PLPPR1: variants seen among roughly 807,000 people sequenced by gnomAD.
PLPPR1 encodes the protein phospholipid phosphatase related 1.
PLPPR1 carries 10 observed loss-of-function variants against 33.1 expected under a neutral mutation model. That is an observed-to-expected ratio of 0.30 (90% CI 0.19 to 0.51). PLPPR1 has a LOEUF of 0.51. Among genes scored for constraint, PLPPR1 ranks in the 20% least tolerant of loss-of-function variants. PLPPR1 has a pLI of 0.97. For synonymous variants in PLPPR1, 151 were observed against 151.0 expected, an observed-to-expected ratio of 1.00 and a Z score of 0.00; for missense variants, 304 against 408.1, an observed-to-expected ratio of 0.74 and a Z score of 2.20.
intron 1 of PLPPR1, among the ~76,000 whole-genome samples, chr9:101,119,668 A>T (rs891954594): frequency 2.0e-5 from 3 of 152,222 alleles, no homozygotes; most frequent in Non-Finnish European, 4.4e-5. Flanking sequence ...GACCAGCCTA[A>T]CACCATAACA....
intron 4 of PLPPR1, among the ~76,000 whole-genome samples, chr9:101,305,318 C>G (rs1239624888): frequency 2.6e-5 from 4 of 152,136 alleles, no homozygotes; most frequent in African/African-American, 9.7e-5. Context: ...ACCCCTCTCA[C>G]TCATCCTCCC....
At chr9:101,120,937 C>T (rs1473188977) in intron 1 of PLPPR1, among the ~76,000 whole-genome samples, 1 of 152,192 alleles carries the variant, frequency 6.6e-6, no homozygotes, top group East Asian at 1.9e-4. Context: ...AAGGACTCAA[C>T]TTAAATAGCA....
At chr9:101,312,761 G>A (rs778286313) in intron 5 of PLPPR1, 37 bp from the exon 6 acceptor site, 10 of 1,592,930 alleles carry the variant, frequency 6.3e-6, no homozygotes, top group Non-Finnish European at 5.2e-6. Flanking sequence ...GCACAAGGCA[G>A]CTGCCTGGTC....
chr9:101,296,400 A>T (rs1307511440), intron 4 of PLPPR1, among the ~76,000 whole-genome samples: 7 of 151,500 alleles, frequency 4.6e-5, no homozygotes, highest in Admixed American at 4.6e-4. Context: ...GCAATTCCTC[A>T]GGGATCTAGT....
At chr9:101,149,438 C>T (rs932363202) in intron 1 of PLPPR1, among the ~76,000 whole-genome samples, 5 of 152,138 alleles carry the variant, frequency 3.3e-5, no homozygotes, top group Non-Finnish European at 4.4e-5. Flanking sequence ...TTATGGTTAT[C>T]GGGGGTACCC....
At chr9:101,037,037 A>G (rs1010377047) in intron 1 of PLPPR1, among the ~76,000 whole-genome samples, 17 of 152,088 alleles carry the variant, frequency 1.1e-4, no homozygotes, top group African/African-American at 1.9e-4. Flanking sequence ...AGATCACCCC[A>G]TAACCTTCTT....
At chr9:101,293,131 A>T (rs938794704) in intron 4 of PLPPR1, among the ~76,000 whole-genome samples, 8 of 151,542 alleles carry the variant, frequency 5.3e-5, no homozygotes, top group African/African-American at 1.9e-4. Context: ...ATGGAAAACA[A>T]AAAAAGGCAG....
chr9:101,263,643 C>G (rs910074777), intron 2 of PLPPR1, among the ~76,000 whole-genome samples: 1 of 152,088 alleles, frequency 6.6e-6, no homozygotes, highest in African/African-American at 2.4e-5. Context: ...TATTTGTAAC[C>G]TGACTTTCCC....
rs906316575 is a variant in PLPPR1 at position 101,261,938 on chromosome 9, A to G, written c.64-7942A>G. ...AAACCCCCATGACACACATTTACCTATGTAACAAACCCGTACATCCTGCAC... is the reference window on the plus strand; with the variant it reads ...AAACCCCCATGACACACATTTACCTGTGTAACAAACCCGTACATCCTGCAC... On this transcript the variant is annotated intron_variant, in intron 2 of 7. Transcript: ENST00000374874. Among the ~76,000 whole-genome samples the G allele has an allele frequency of 2.0e-5, 3 of 152,072 alleles. 1 individual carries two copies. The South Asian group carries it at 6.2e-4, about 31-fold the overall frequency.
intron 1 of PLPPR1, among the ~76,000 whole-genome samples, chr9:101,132,625 A>C (rs1418283924): frequency 2.6e-5 from 4 of 152,156 alleles, no homozygotes; most frequent in African/African-American, 9.7e-5. Context: ...AGAATATATA[A>C]GCCAAGAATG....
chr9:101,251,347 T>C (rs2118865738), intron 2 of PLPPR1, among the ~76,000 whole-genome samples: 1 of 152,130 alleles, frequency 6.6e-6, no homozygotes, highest in African/African-American at 2.4e-5. Context: ...TATGAGAGAG[T>C]AAGCTAGATA....
At chr9:101,316,298 G>A (rs1215416181) in intron 6 of PLPPR1, among the ~76,000 whole-genome samples, 6 of 152,030 alleles carry the variant, frequency 3.9e-5, no homozygotes, top group Admixed American at 6.5e-5. Context: ...GTAGCCAGGC[G>A]TGCTGGTGGG....
chr9:101,324,411 A>T lies in PLPPR1; in HGVS notation c.*354A>T. On this transcript the variant is annotated 3_prime_UTR_variant, in exon 8 of 8. Coordinates refer to ENST00000374874, the MANE Select transcript of PLPPR1 (RefSeq NM_207299.2). The stretch of plus-strand genomic sequence containing the variant: ...ACACAGAATATAACAATTCACTTTA[A>T]ACTTTTATTACCACAGTTGCTGCCT... 5.6e-6 allele frequency: 1 copy of T among 179,832 alleles called. No homozygotes were observed. The highest frequency in any genetic ancestry group is 1.2e-5 in the Non-Finnish European group (1 of 86,442). The allele number at this position is 179,832 out of a possible 1,614,324, so 11.1% of individuals were successfully genotyped here. A position where few individuals can be genotyped will look rare whatever the true frequency, so the allele number is the denominator to read the frequency against.
At chr9:101,202,138 C>T (rs566054032) in intron 2 of PLPPR1, among the ~76,000 whole-genome samples, 43 of 152,276 alleles carry the variant, frequency 2.8e-4, no homozygotes, top group African/African-American at 9.6e-4. Flanking sequence ...CCCTTTGGAT[C>T]GGTCATGCAA....
At chr9:101,290,681 T>A (rs890729960) in intron 4 of PLPPR1, among the ~76,000 whole-genome samples, 14 of 152,338 alleles carry the variant, frequency 9.2e-5, no homozygotes, top group Admixed American at 5.2e-4. Context: ...CTAATTTTTT[T>A]AAAAAAATGA....
At chr9:101,075,200 G>C (rs1830522190) in intron 1 of PLPPR1, among the ~76,000 whole-genome samples, 2 of 152,074 alleles carry the variant, frequency 1.3e-5, no homozygotes, top group Non-Finnish European at 2.9e-5. Flanking sequence ...TCCTTGTATG[G>C]ATTTTCAGTT....
intron 1 of PLPPR1, among the ~76,000 whole-genome samples, chr9:101,134,307 C>T (rs965679235): frequency 2.0e-5 from 3 of 151,630 alleles, no homozygotes; most frequent in Non-Finnish European, 4.4e-5. Context: ...AAGCCTAAGT[C>T]ATAGAAAATA....
At chr9:101,069,249 A>G (rs1830455790) in intron 1 of PLPPR1, among the ~76,000 whole-genome samples, 1 of 152,110 alleles carries the variant, frequency 6.6e-6, no homozygotes, top group South Asian at 2.1e-4. Flanking sequence ...CCTGTAATAG[A>G]GCAACAACCA....
At chr9:101,269,721 G>GCA (rs1828058680) in intron 2 of PLPPR1, 159 bp from the exon 3 acceptor site, 1 of 667,360 alleles carries the variant, frequency 1.5e-6, no homozygotes, top group African/African-American at 1.8e-5. Flanking sequence ...AGACAAGCAA[G>GCA]CACACACTCC....
Sources: allele counts gnomAD v4.1 joint callset (sites outside exome capture counted in the v4.1 genomes callset), GRCh38; gene constraint gnomAD v4.1.1; transcripts MANE v1.5; gene names NCBI Gene and HGNC (gene_info 2026-07-23, HGNC 2026-07-21).